The following SH3BP4 variants were observed in gnomAD, a reference collection of about 807,000 sequenced individuals.
SH3BP4 encodes the protein SH3 domain-binding protein 4.
In SH3BP4, 33 loss-of-function variants were observed where a neutral mutation model predicts 65.5. The ratio of observed to expected loss-of-function variants is 0.50; its 90% CI spans 0.38 to 0.67. The LOEUF is 0.67. SH3BP4 is among the 30% of genes least tolerant of loss of function. SH3BP4 has a pLI of 0.00. For missense variants in SH3BP4, 1,134 were observed against 1,261.4 expected, an observed-to-expected ratio of 0.90 and a Z score of 1.53; for synonymous variants, 552 against 545.5, an observed-to-expected ratio of 1.01 and a Z score of -0.17.
chr2:235,024,318 C>T (rs1193148097), intron 2 of SH3BP4, among the ~76,000 whole-genome samples: 1 of 152,216 alleles, frequency 6.6e-6, no homozygotes, highest in Non-Finnish European at 1.5e-5. Context: ...AGTTTGCATG[C>T]ATGGGGTTGG....
chr2:234,980,213 C>T (rs1455937257), intron 1 of SH3BP4, among the ~76,000 whole-genome samples: 1 of 152,188 alleles, frequency 6.6e-6, no homozygotes. Flanking sequence ...GTGCCTGAAA[C>T]TTCAGATAGT....
intron 1 of SH3BP4, among the ~76,000 whole-genome samples, chr2:234,992,065 C>T (rs1431937522): frequency 6.6e-6 from 1 of 152,254 alleles, no homozygotes; most frequent in Admixed American, 6.5e-5. Context: ...AGGAAAGCTC[C>T]AGAGGGCTTG....
chr2:235,034,942 G>A lies in SH3BP4; in HGVS notation c.-61G>A. The A allele has an allele frequency of 7.0e-7, 1 of 1,422,124 alleles. No individual in the cohort carries two copies. Among genetic ancestry groups the A allele is most frequent in the Non-Finnish European group, 9.9e-7 (1 of 1,010,354 alleles). 88.1% of individuals were successfully genotyped at this position (1,422,124 alleles called of 1,614,324 possible). On this transcript the variant is annotated 5_prime_UTR_variant, in exon 3 of 6. Coordinates refer to ENST00000392011, the MANE Select transcript of SH3BP4 (RefSeq NM_014521.3). The surrounding 1 kb of genome is among the most constrained non-coding windows in gnomAD (Gnocchi z 6.2). The stretch of plus-strand genomic sequence containing the variant: ...TGAGGCAGAAGCTTCAGCATCTGCT[G>A]GGATAACTGGAGGAAGAAATATGAA...
At chr2:235,009,345 T>A (rs997351396) in intron 2 of SH3BP4, among the ~76,000 whole-genome samples, 1 of 152,140 alleles carries the variant, frequency 6.6e-6, no homozygotes, top group African/African-American at 2.4e-5. Flanking sequence ...CGCTCCAGTA[T>A]GGTGGGATGG....
intron 2 of SH3BP4, among the ~76,000 whole-genome samples, chr2:235,006,656 G>A (rs760860599): frequency 4.6e-5 from 7 of 152,150 alleles, no homozygotes; most frequent in Non-Finnish European, 7.3e-5. Flanking sequence ...GATTTCTGCT[G>A]GGCCAGCACC....
In SH3BP4 at chr2:235,041,378, C is replaced by T. The variant is rs201677705; in HGVS notation, c.609C>T (p.Thr203=). ...TTGACGCAGGTACATCCTCCTTCACCGAATCCAGCTCAGCCACCACGAATA... is the reference window on the plus strand; with the variant it reads ...TTGACGCAGGTACATCCTCCTTCACTGAATCCAGCTCAGCCACCACGAATA... ...LLFDAGTSSF[T]ESSSATTNST... The change falls in exon 4 of 6, where the codon ACC becomes ACT. Residue 203 remains threonine (T), a synonymous_variant. Coordinates refer to ENST00000392011, the MANE Select transcript of SH3BP4 (RefSeq NM_014521.3). This position sits in a 1 kb window ranked among gnomAD's most constrained non-coding sequence, Gnocchi z 6.0. The T allele has an allele frequency of 6.3e-5, 102 of 1,614,070 alleles. No homozygotes were observed. The highest frequency in any genetic ancestry group is 1.3e-4 in the East Asian group (6 of 44,884).
At position 234,993,065 on chromosome 2, in the gene SH3BP4, C is replaced by G. The variant is rs115085865; in HGVS notation, c.-206-2238C>G. Among the ~76,000 whole-genome samples the G allele has an allele frequency of 3.2e-3, 489 of 152,246 alleles. 3 individuals are homozygous for G. The highest frequency in any genetic ancestry group is 0.011 in the African/African-American group (478 of 41,582). On this transcript the variant is annotated intron_variant, in intron 1 of 5. Coordinates refer to ENST00000392011, the MANE Select transcript of SH3BP4 (RefSeq NM_014521.3). ...CCACAGCCTGGGAGGCTGGGGAGTT[C>G]CTGTGAAGGGAGCTGGGTCCTTCTG...
In SH3BP4 at chr2:234,962,677, G is replaced by C. The variant is rs149761430; in HGVS notation, c.-207+10507G>C. Among the ~76,000 whole-genome samples the C allele has an allele frequency of 1.8e-3, 268 of 152,184 alleles. 1 individual carries two copies. Among genetic ancestry groups the C allele is most frequent in the African/African-American group, 6.0e-3 (247 of 41,506 alleles). On this transcript the variant is annotated intron_variant, in intron 1 of 5. Coordinates refer to ENST00000392011, the MANE Select transcript of SH3BP4 (RefSeq NM_014521.3). ...TTCCAAACAAAAACAGGCTGAGACAGTGAGTGGTCTTGCCTTTGTACCTGG... is the reference window on the plus strand; with the variant it reads ...TTCCAAACAAAAACAGGCTGAGACACTGAGTGGTCTTGCCTTTGTACCTGG...
intron 3 of SH3BP4, among the ~76,000 whole-genome samples, chr2:235,039,811 TG>T (rs1695578550): frequency 6.6e-6 from 1 of 152,256 alleles, no homozygotes; most frequent in African/African-American, 2.4e-5. Flanking sequence ...ATTCACTTTT[TG>T]AAGGGTTGGA....
intron 2 of SH3BP4, among the ~76,000 whole-genome samples, chr2:235,007,073 A>G (rs1289256781): frequency 6.6e-6 from 1 of 152,100 alleles, no homozygotes; most frequent in African/African-American, 2.4e-5. Context: ...GTCAGAATGG[A>G]AATGAATTCC....
intron 1 of SH3BP4, among the ~76,000 whole-genome samples, chr2:234,992,324 G>T (rs189152604): frequency 1.3e-5 from 2 of 152,182 alleles, no homozygotes; most frequent in African/African-American, 4.8e-5. Flanking sequence ...CATGCAGGTC[G>T]TTTTCTTCGG....
Position 235,052,882 on chromosome 2 carries a change from C to A in SH3BP4, c.2667+132C>A. On this transcript the variant is annotated intron_variant, in intron 5 of 5. Transcript: ENST00000392011. This position sits in a 1 kb window ranked among gnomAD's most constrained non-coding sequence, Gnocchi z 5.0. ...GGTGCAACAGGTGGAAATGTGCACG[C>A]ATGTGCCCAGCACTGGGTGTGCCTC... 1.2e-6 allele frequency: 1 copy of A among 862,408 alleles called. No individual in the cohort carries two copies. Among genetic ancestry groups the A allele is most frequent in the Non-Finnish European group, 1.8e-6 (1 of 571,076 alleles). The allele number at this position is 862,408 out of a possible 1,614,324, so 53.4% of individuals were successfully genotyped here. A position where few individuals can be genotyped will look rare whatever the true frequency, so the allele number is the denominator to read the frequency against.
intron 1 of SH3BP4, among the ~76,000 whole-genome samples, chr2:234,975,702 C>A (rs1173219673): frequency 6.6e-6 from 1 of 151,942 alleles, no homozygotes; most frequent in Non-Finnish European, 1.5e-5. Flanking sequence ...ATGGTGAAAC[C>A]CCATCTCTGC....
chr2:235,024,043 T>C (rs1301912360), intron 2 of SH3BP4, among the ~76,000 whole-genome samples: 2 of 152,222 alleles, frequency 1.3e-5, no homozygotes, highest in African/African-American at 4.8e-5. Flanking sequence ...CAAGGATGGA[T>C]TTTTCATTGC....
intron 1 of SH3BP4, among the ~76,000 whole-genome samples, chr2:234,957,465 C>T (rs537042416): frequency 9.2e-5 from 14 of 151,700 alleles, no homozygotes; most frequent in Middle Eastern, 3.2e-3. Context: ...ACCCCCATCA[C>T]TTTAATGGAA....
chr2:234,963,665 G>T (rs1290701732), intron 1 of SH3BP4, among the ~76,000 whole-genome samples: 1 of 152,202 alleles, frequency 6.6e-6, no homozygotes, highest in Non-Finnish European at 1.5e-5. Context: ...AGTCCAGGAG[G>T]TGTTTCCGTT....
At chr2:234,984,654 C>T (rs1010763935) in intron 1 of SH3BP4, among the ~76,000 whole-genome samples, 3 of 152,132 alleles carry the variant, frequency 2.0e-5, no homozygotes, top group African/African-American at 7.2e-5. Flanking sequence ...TGACCAGAAC[C>T]GACTGAGTGC....
chr2:235,019,531 T>C (rs1050842366), intron 2 of SH3BP4, among the ~76,000 whole-genome samples: 9 of 150,670 alleles, frequency 6.0e-5, no homozygotes, highest in African/African-American at 2.2e-4. Flanking sequence ...CCGCCTCCTA[T>C]GTTCAAGCGA....
rs898509607 is a variant in SH3BP4 at position 234,991,017 on chromosome 2, C to T, written c.-206-4286C>T. Among the ~76,000 whole-genome samples the T allele has an allele frequency of 1.3e-5, 2 of 152,182 alleles. No homozygotes were observed. Among genetic ancestry groups the T allele is most frequent in the African/African-American group, 4.8e-5 (2 of 41,434 alleles). On this transcript the variant is annotated intron_variant, in intron 1 of 5. Coordinates refer to ENST00000392011, the MANE Select transcript of SH3BP4 (RefSeq NM_014521.3). The surrounding 1 kb of genome is among the most constrained non-coding windows in gnomAD (Gnocchi z 4.2). The stretch of plus-strand genomic sequence containing the variant: ...TGGGTCATATTGGACTGGGGCCCAC[C>T]CTGGTAATCTCACTTTAGCTTGATT...
Sources: allele counts gnomAD v4.1 joint callset (sites outside exome capture counted in the v4.1 genomes callset), GRCh38; gene constraint gnomAD v4.1.1; non-coding constraint Gnocchi (gnomAD v3.1); transcripts MANE v1.5; gene names NCBI Gene and HGNC (gene_info 2026-07-23, HGNC 2026-07-21).